The following ERBB4 variants were observed in gnomAD, a reference collection of about 807,000 sequenced individuals.
The protein encoded by ERBB4 is receptor tyrosine-protein kinase erbB-4.
A neutral mutation model predicts 158.0 loss-of-function variants in ERBB4; 42 were observed. The observed-to-expected ratio is 0.27, with a 90% CI of 0.21 to 0.34. The LOEUF (loss-of-function observed/expected upper bound fraction) is 0.34, where lower values mean the gene tolerates loss of function less well. ERBB4 is among the 10% of genes least tolerant of loss of function. The pLI, the probability that ERBB4 is intolerant of heterozygous loss-of-function variation, is 1.00. For synonymous variants in ERBB4, 583 were observed against 558.7 expected, an observed-to-expected ratio of 1.04 and a Z score of -0.61; for missense variants, 1,333 against 1,624.1, an observed-to-expected ratio of 0.82 and a Z score of 3.08.
At chr2:212,415,247 C>G (rs1203446014) in intron 1 of ERBB4, among the ~76,000 whole-genome samples, 2 of 152,170 alleles carry the variant, frequency 1.3e-5, no homozygotes, top group Non-Finnish European at 2.9e-5. Flanking sequence ...TAACCACTTA[C>G]TTTGTGAATG....
chr2:211,962,338 G>T (rs2081201421), intron 2 of ERBB4, among the ~76,000 whole-genome samples: 1 of 152,080 alleles, frequency 6.6e-6, no homozygotes, highest in South Asian at 2.1e-4. Context: ...CTATTCATAT[G>T]CAGGAACTGA....
intron 20 of ERBB4, among the ~76,000 whole-genome samples, chr2:211,521,674 C>G (rs1249698794): frequency 6.6e-6 from 1 of 152,172 alleles, no homozygotes; most frequent in African/African-American, 2.4e-5. Context: ...AAGTCAATGC[C>G]TGGCTTCAAA....
chr2:211,623,836 T>A (rs1273360273), intron 18 of ERBB4, 86 bp downstream of exon 18: 2 of 1,303,666 alleles, frequency 1.5e-6, no homozygotes, highest in African/African-American at 3.0e-5. Context: ...AAAATTAGGT[T>A]GTCTAAAGTA....
chr2:212,446,657 C>T (rs1335864002), intron 1 of ERBB4, among the ~76,000 whole-genome samples: 1 of 108,138 alleles, frequency 9.2e-6, no homozygotes, highest in Non-Finnish European at 1.9e-5. Context: ...TTCTGTCCCT[C>T]TAGAGAACCC....
rs549367239 is a variant in ERBB4 at position 211,977,635 on chromosome 2, G to A, written c.235-30019C>T. Among the ~76,000 whole-genome samples, 7 of 150,616 alleles carry A rather than the reference G, an allele frequency of 4.6e-5. No homozygotes were observed. The South Asian group carries it at 1.1e-3, about 23-fold the overall frequency. ...GTGAGTCACCTGAGGTCAGTAGCTC[G>A]AGACCAGCCTGGCCAAAATGGTGAA... On this transcript the variant is annotated intron_variant, in intron 2 of 27. Transcript: ENST00000342788.
chr2:212,044,797 A>G (rs1007260351), intron 2 of ERBB4, among the ~76,000 whole-genome samples: 1 of 152,172 alleles, frequency 6.6e-6, no homozygotes, highest in Non-Finnish European at 1.5e-5. Context: ...CTAATCATAG[A>G]AAAAGGAACC....
intron 1 of ERBB4, among the ~76,000 whole-genome samples, chr2:212,404,836 G>A (rs1487475625): frequency 6.6e-6 from 1 of 151,886 alleles, no homozygotes; most frequent in Non-Finnish European, 1.5e-5. Flanking sequence ...AGTATCTCTT[G>A]TTCCCCTTCT....
At chr2:211,480,349 G>T (rs2065051958) in intron 20 of ERBB4, among the ~76,000 whole-genome samples, 1 of 152,126 alleles carries the variant, frequency 6.6e-6, no homozygotes, top group Non-Finnish European at 1.5e-5. Context: ...AGAGGGACCT[G>T]GTGAGAGGTG....
intron 2 of ERBB4, among the ~76,000 whole-genome samples, chr2:212,056,226 G>GA (rs1267748940): frequency 2.0e-5 from 3 of 152,216 alleles, no homozygotes; most frequent in Non-Finnish European, 1.5e-5. Flanking sequence ...GAAGTTTAGA[G>GA]AAAAAAGAGT....
intron 19 of ERBB4, among the ~76,000 whole-genome samples, chr2:211,594,625 T>C (rs180933319): frequency 6.6e-6 from 1 of 152,154 alleles, no homozygotes; most frequent in Non-Finnish European, 1.5e-5. Context: ...ATAAATAGCA[T>C]AGCTGTTTAT....
At chr2:211,768,036 G>C (rs1019924004) in intron 4 of ERBB4, among the ~76,000 whole-genome samples, 1 of 152,200 alleles carries the variant, frequency 6.6e-6, no homozygotes, top group Non-Finnish European at 1.5e-5. Flanking sequence ...TTACTTCCTA[G>C]ATACAGTGGG....
rs555735423 is a variant in ERBB4 at position 211,391,691 on chromosome 2, AC to A, written c.3136-3700del. 3.3e-4 allele frequency among the ~76,000 whole-genome samples: 51 copies of A among 152,332 alleles called. 2 individuals are homozygous for A. In the South Asian group the frequency reaches 0.01, roughly 31 times the overall value. On this transcript the variant is annotated intron_variant, in intron 25 of 27. Transcript: ENST00000342788. ...TACGGTATTAAATGCACTTTTAAAT[AC>A]ATCATGTTCTAAAATTTACTTTTTA...
chr2:212,368,889 C>T (rs1205533906), intron 1 of ERBB4, among the ~76,000 whole-genome samples: 2 of 152,114 alleles, frequency 1.3e-5, no homozygotes, highest in African/African-American at 2.4e-5. Context: ...TAGGTCCCTA[C>T]TACTACAAGT....
At chr2:212,306,937 T>C (rs573977774) in intron 1 of ERBB4, among the ~76,000 whole-genome samples, 1 of 151,556 alleles carries the variant, frequency 6.6e-6, no homozygotes, top group South Asian at 2.1e-4. Context: ...GCATTTTTAA[T>C]TGACTAAAAA....
At chr2:212,386,252 C>A (rs917543033) in intron 1 of ERBB4, among the ~76,000 whole-genome samples, 2 of 152,000 alleles carry the variant, frequency 1.3e-5, no homozygotes. Context: ...GCCCACACCT[C>A]TTTCCTAAAT....
chr2:211,471,704 G>A (rs2064831277), intron 20 of ERBB4, among the ~76,000 whole-genome samples: 1 of 152,116 alleles, frequency 6.6e-6, no homozygotes, highest in African/African-American at 2.4e-5. Flanking sequence ...TGAGAAGGTG[G>A]TTGAACCCAG....
intron 3 of ERBB4, among the ~76,000 whole-genome samples, chr2:211,848,706 T>C (rs930796676): frequency 6.6e-6 from 1 of 151,998 alleles, no homozygotes; most frequent in African/African-American, 2.4e-5. Flanking sequence ...AAGAATCCAA[T>C]AGACTAGAGA....
At chr2:212,295,032 C>T (rs1005485563) in intron 1 of ERBB4, among the ~76,000 whole-genome samples, 1 of 152,060 alleles carries the variant, frequency 6.6e-6, no homozygotes, top group African/African-American at 2.4e-5. Flanking sequence ...GGAGAACCAG[C>T]TGGCCAAGGC....
chr2:211,467,166 A>G (rs2064714868), intron 20 of ERBB4, among the ~76,000 whole-genome samples: 2 of 152,130 alleles, frequency 1.3e-5, no homozygotes. Context: ...TTTCATTGAT[A>G]GTAACGTACC....
Sources: gnomAD v4.1 joint callset for allele counts (sites outside exome capture counted in the v4.1 genomes callset) on GRCh38, gnomAD v4.1.1 for gene constraint, MANE v1.5 for transcripts, NCBI Gene and HGNC (gene_info 2026-07-23, HGNC 2026-07-21) for gene names.